TENM1: variants seen among roughly 807,000 people sequenced by gnomAD.
TENM1 encodes the protein teneurin-1.
A neutral mutation model predicts 174.8 loss-of-function variants in TENM1; 35 were observed. The observed-to-expected ratio is 0.20, with a 90% CI of 0.15 to 0.27. The LOEUF is 0.27. Ranked by LOEUF, TENM1 falls within the 10% of genes least tolerant of loss-of-function variation. The pLI is 1.00. For missense variants in TENM1, 1,633 were observed against 2,130.1 expected, an observed-to-expected ratio of 0.77 and a Z score of 4.59; for synonymous variants, 781 against 798.7, an observed-to-expected ratio of 0.98 and a Z score of 0.37.
rs2050258515 is a variant in TENM1 at position 124,610,679 on chromosome X, ATTCACACAAGATCT to A, written c.2077+31098_2077+31111del. Among the ~76,000 whole-genome samples, 4 of 111,391 alleles carry A rather than the reference ATTCACACAAGATCT, an allele frequency of 3.6e-5. No homozygotes were observed. In the South Asian group the frequency reaches 1.5e-3, roughly 43 times the overall value. ...ATAAGGGATGATACCTCCCTCCTTCATTCACACAAGATCTTTTCTGCCAGGGAGGTATTTAGATC... is the reference window on the plus strand; with the variant it reads ...ATAAGGGATGATACCTCCCTCCTTCATTTCTGCCAGGGAGGTATTTAGATC... On this transcript the variant is annotated intron_variant, in intron 11 of 31. Transcript: ENST00000422452.
chrX:124,446,691 A>G (rs1458236820), intron 23 of TENM1, among the ~76,000 whole-genome samples: 1 of 112,663 alleles, frequency 8.9e-6, no homozygotes, highest in African/African-American at 3.2e-5. Context: ...CTGGAAAGGT[A>G]ACAAGAAACT....
chrX:124,666,075 TA>T (rs1356423727), intron 6 of TENM1, among the ~76,000 whole-genome samples: 3 of 111,467 alleles, frequency 2.7e-5, no homozygotes, highest in Non-Finnish European at 5.6e-5. Flanking sequence ...CAATCAGCTG[TA>T]TTTTGTTTAC....
At chrX:124,802,160 G>T (rs2055470967) in intron 3 of TENM1, among the ~76,000 whole-genome samples, 1 of 111,630 alleles carries the variant, frequency 9.0e-6, no homozygotes, top group African/African-American at 3.3e-5. Flanking sequence ...TGCTGGATAG[G>T]CATTGTGAGC....
chrX:125,006,090 C>T, the TENM1 span, among the ~76,000 whole-genome samples: 26 of 112,047 alleles, frequency 2.3e-4, no homozygotes, highest in Non-Finnish European at 3.2e-4. Context: ...CTGACTCCCA[C>T]GGAGCTTAGC....
intron 3 of TENM1, among the ~76,000 whole-genome samples, chrX:124,881,700 T>C (rs1295878843): frequency 6.4e-5 from 7 of 109,924 alleles, no homozygotes; most frequent in African/African-American, 2.3e-4. Flanking sequence ...ATCCCATAGT[T>C]TTTGTTGTTG....
chrX:124,940,131 T>A (rs981855403), intron 1 of TENM1, among the ~76,000 whole-genome samples: 7 of 111,780 alleles, frequency 6.3e-5, no homozygotes, highest in Non-Finnish European at 1.1e-4. Flanking sequence ...TGACCTAAGC[T>A]TTGTCAATCA....
At position 124,384,424 on chromosome X, in the gene TENM1, A is replaced by C. The variant is rs142230114; in HGVS notation, c.6507T>G (p.Val2169=). 2,354 of 1,208,904 alleles carry C rather than the reference A, an allele frequency of 1.9e-3. 6 individuals are homozygous for C. The highest frequency in any genetic ancestry group is 1.9e-3 in the Non-Finnish European group (1,739 of 894,764). Residue 2169 remains valine (V), a synonymous_variant, in exon 30 of 32, where the codon GTT becomes GTG. Coordinates refer to ENST00000422452, the Ensembl canonical transcript of TENM1. ...GCCACTGGGTTTTGTCATTTACAGA[A>C]ACAGTCTGAAGTTGCCCATCAGCAT...
chrX:125,199,731 C>G, the TENM1 span, among the ~76,000 whole-genome samples: 1 of 111,583 alleles, frequency 9.0e-6, no homozygotes, highest in Admixed American at 9.5e-5. Context: ...CTCTAAGTTA[C>G]TATTTTAAAA....
At chrX:125,092,286 T>G in the TENM1 span, among the ~76,000 whole-genome samples, 1 of 111,483 alleles carries the variant, frequency 9.0e-6, no homozygotes, top group Non-Finnish European at 1.9e-5. Flanking sequence ...AGTAAGCTAT[T>G]CAATCAAAAA....
chrX:124,499,190 G>A (rs1180799997), intron 19 of TENM1, among the ~76,000 whole-genome samples: 2 of 111,326 alleles, frequency 1.8e-5, no homozygotes, highest in African/African-American at 6.5e-5. Context: ...TGCATTGCCT[G>A]TTATTCTCCC....
chrX:125,193,962 A>T, the TENM1 span, among the ~76,000 whole-genome samples: 167 of 108,694 alleles, frequency 1.5e-3, no homozygotes, highest in African/African-American at 4.4e-3. Flanking sequence ...TTTTTTTTTT[A>T]AAAAAGAGAT....
At chrX:124,761,652 C>A (rs1603157148) in intron 3 of TENM1, among the ~76,000 whole-genome samples, 1 of 109,922 alleles carries the variant, frequency 9.1e-6, no homozygotes, top group South Asian at 3.9e-4. Flanking sequence ...TGTAACAAAC[C>A]TGCATGTTGT....
intron 3 of TENM1, among the ~76,000 whole-genome samples, chrX:124,846,012 T>G (rs2147379285): frequency 9.0e-6 from 1 of 110,877 alleles, no homozygotes; most frequent in South Asian, 3.8e-4. Context: ...CTATGGAATT[T>G]CAGGCTTCGT....
intron 3 of TENM1, among the ~76,000 whole-genome samples, chrX:124,875,550 G>A (rs974088262): frequency 3.7e-5 from 4 of 109,527 alleles, no homozygotes; most frequent in African/African-American, 6.7e-5. Context: ...TAATTAGAGC[G>A]GATATCCTTG....
chrX:124,768,794 A>G (rs992089209), intron 3 of TENM1, among the ~76,000 whole-genome samples: 4 of 112,750 alleles, frequency 3.5e-5, no homozygotes, highest in African/African-American at 9.6e-5. Context: ...ACTGCTGAAT[A>G]GCAGGAAACA....
intron 4 of TENM1, among the ~76,000 whole-genome samples, chrX:124,712,280 T>C (rs1285895653): frequency 9.0e-6 from 1 of 111,253 alleles, no homozygotes; most frequent in Non-Finnish European, 1.9e-5. Context: ...CCGTTTTCCA[T>C]AGCGGTTTCT....
chrX:124,481,952 A>G, exon 22 of TENM1: 3 of 1,173,843 alleles, frequency 2.6e-6, no homozygotes, highest in Non-Finnish European at 3.4e-6. Context: ...AGTATTTGTG[A>G]GCAGGACTTG....
At chrX:124,459,857 G>A (rs2061149127) in intron 22 of TENM1, among the ~76,000 whole-genome samples, 1 of 110,682 alleles carries the variant, frequency 9.0e-6, no homozygotes, top group Admixed American at 9.6e-5. Context: ...CATCTATAAG[G>A]AACTTAAACA....
chrX:124,886,544 T>TAGAG lies in TENM1; in HGVS notation c.535+7751_535+7752insCTCT, dbSNP rs1460561539. On this transcript the variant is annotated intron_variant, in intron 3 of 31. Transcript: ENST00000422452. ...ATACATATATATATATATATATATA[T>TAGAG]ATATAGAGAGAGAGAGAGAGAGAGA... 3.6e-3 allele frequency among the ~76,000 whole-genome samples: 306 copies of TAGAG among 84,357 alleles called. 1 individual carries two copies. Among genetic ancestry groups the TAGAG allele is most frequent in the African/African-American group, 8.5e-3 (176 of 20,613 alleles). 73.3% of individuals were successfully genotyped at this position (84,357 alleles called of 115,157 possible).
Sources: gnomAD v4.1 joint callset for allele counts (sites outside exome capture counted in the v4.1 genomes callset) on GRCh38, gnomAD v4.1.1 for gene constraint, MANE v1.5 for transcripts, NCBI Gene and HGNC (gene_info 2026-07-23, HGNC 2026-07-21) for gene names.